Variants in MECOM observed in about 807,000 individuals in gnomAD.
The protein encoded by MECOM is histone-lysine N-methyltransferase MECOM.
In MECOM, 13 loss-of-function variants were observed where a neutral mutation model predicts 116.3. The ratio of observed to expected loss-of-function variants is 0.11; its 90% CI spans 0.07 to 0.18. The LOEUF is 0.18. Ranked by LOEUF, MECOM falls within the 10% of genes least tolerant of loss-of-function variation. The probability of loss-of-function intolerance (pLI) is 1.00; values close to 1 mark genes in which losing one functional copy is unlikely to be tolerated. For synonymous variants in MECOM, 528 were observed against 535.2 expected (o/e 0.99, Z 0.19); for missense variants, 1,299 against 1,509.0 (o/e 0.86, Z 2.31).
chr3:169,558,892 C>G (rs912126302), intron 1 of MECOM, among the ~76,000 whole-genome samples: 2 of 152,028 alleles, frequency 1.3e-5, no homozygotes, highest in Non-Finnish European at 2.9e-5. Flanking sequence ...CAACCCCAGA[C>G]ATCTAGAAAA....
At chr3:169,580,318 C>T (rs1157787910) in intron 1 of MECOM, among the ~76,000 whole-genome samples, 1 of 152,038 alleles carries the variant, frequency 6.6e-6, no homozygotes, top group Non-Finnish European at 1.5e-5. Flanking sequence ...TTGGTGGACC[C>T]ATCACCCGAG....
chr3:169,265,836 T>G lies in MECOM; in HGVS notation c.375+115351A>C, dbSNP rs370917323. 4.6e-5 allele frequency among the ~76,000 whole-genome samples: 7 copies of G among 152,212 alleles called. No individual in the cohort carries two copies. The East Asian group carries it at 1.3e-3, about 29-fold the overall frequency. On this transcript the variant is annotated intron_variant, in intron 2 of 16. Coordinates refer to ENST00000651503, the MANE Select transcript of MECOM (RefSeq NM_004991.4). ...CCTTCGCTAGGACCTCTGTCCCTTC[T>G]GCAGTACTAGTGTGGTAGTCAGTGG...
intron 1 of MECOM, among the ~76,000 whole-genome samples, chr3:169,451,828 T>A (rs1452997023): frequency 6.6e-6 from 1 of 152,038 alleles, no homozygotes; most frequent in African/African-American, 2.4e-5. Context: ...GTTTTCATAA[T>A]AGATGTGGAA....
At chr3:169,208,229 A>G (rs59350008) in intron 2 of MECOM, among the ~76,000 whole-genome samples, 20,485 of 142,278 alleles carry the variant, frequency 0.14, 2,166 homozygotes, top group African/African-American at 0.29. Flanking sequence ...GTGTGTGTGT[A>G]TATTTATATA....
At position 169,486,026 on chromosome 3, in the gene MECOM, AGTATATATATATAT is replaced by A. The variant is rs1292519859; in HGVS notation, c.38-104516_38-104503del. Among the ~76,000 whole-genome samples the A allele has an allele frequency of 3.2e-5, 4 of 123,716 alleles. No individual in the cohort carries two copies. The Admixed American group carries it at 3.4e-4, about 10-fold the overall frequency. 81.2% of individuals were successfully genotyped at this position (123,716 alleles called of 152,430 possible). ...ATATACTATATATATATGTATATAT[AGTATATATATATAT>A]GTATATATATATACACTATCCCAGA... is the stretch of plus-strand genomic sequence containing the variant. On this transcript the variant is annotated intron_variant, in intron 1 of 16. Transcript: ENST00000651503.
At chr3:169,232,147 C>T (rs951284783) in intron 2 of MECOM, among the ~76,000 whole-genome samples, 6 of 152,108 alleles carry the variant, frequency 3.9e-5, no homozygotes, top group African/African-American at 7.2e-5. Context: ...CGTGAGAAGG[C>T]ATTTAGTCCT....
intron 3 of MECOM, among the ~76,000 whole-genome samples, chr3:169,132,404 G>GT (rs1237444341): frequency 1.3e-5 from 2 of 151,716 alleles, no homozygotes; most frequent in Non-Finnish European, 2.9e-5. Flanking sequence ...CAGGTTTTTT[G>GT]TTTTTTGGTT....
chr3:169,649,501 A>T (rs1231178244), intron 1 of MECOM, among the ~76,000 whole-genome samples: 1 of 151,630 alleles, frequency 6.6e-6, no homozygotes, highest in Non-Finnish European at 1.5e-5. Flanking sequence ...ACCAGTTTGT[A>T]GTCATGGATA....
At chr3:169,549,285 G>A (rs1761092664) in intron 1 of MECOM, among the ~76,000 whole-genome samples, 1 of 151,934 alleles carries the variant, frequency 6.6e-6, no homozygotes, top group Non-Finnish European at 1.5e-5. Flanking sequence ...ACTTGTCTCT[G>A]TATAACTTCC....
chr3:169,558,404 A>G (rs1219101266), intron 1 of MECOM, among the ~76,000 whole-genome samples: 1 of 152,082 alleles, frequency 6.6e-6, no homozygotes, highest in Non-Finnish European at 1.5e-5. Context: ...ATATCATGGA[A>G]CCCTCACCAG....
intron 2 of MECOM, among the ~76,000 whole-genome samples, chr3:169,148,352 T>C (rs1215991572): frequency 5.9e-5 from 9 of 152,204 alleles, no homozygotes; most frequent in African/African-American, 2.2e-4. Context: ...TATCCTATGT[T>C]TAATAACTTT....
chr3:169,493,791 T>C (rs1417251952), intron 1 of MECOM, among the ~76,000 whole-genome samples: 1 of 152,064 alleles, frequency 6.6e-6, no homozygotes, highest in Non-Finnish European at 1.5e-5. Flanking sequence ...AAGATTCAAC[T>C]TAAGCTGTTG....
At chr3:169,433,256 G>A (rs1482986852) in intron 1 of MECOM, among the ~76,000 whole-genome samples, 1 of 152,134 alleles carries the variant, frequency 6.6e-6, no homozygotes, top group Non-Finnish European at 1.5e-5. Flanking sequence ...ATCACTTGAG[G>A]TCAGGAGTTT....
rs145660204 is a variant in MECOM at position 169,559,016 on chromosome 3, T to TAC, written c.37+104318_37+104319dup. On this transcript the variant is annotated intron_variant, in intron 1 of 16. Coordinates refer to ENST00000651503, the MANE Select transcript of MECOM (RefSeq NM_004991.4). ...CAATCCTCTGTCTTCTCAAAGCATCTACACACACACACACTATACACACAC... is the reference window on the plus strand; with the variant it reads ...CAATCCTCTGTCTTCTCAAAGCATCTACACACACACACACACTATACACACAC... Among the ~76,000 whole-genome samples the TAC allele has an allele frequency of 1.3e-4, 20 of 150,926 alleles. No individual in the cohort carries two copies. In the South Asian group the frequency reaches 2.1e-3, roughly 16 times the overall value.
Position 169,518,739 on chromosome 3 carries a change from G to A in MECOM, c.38-137215C>T, listed in dbSNP as rs141132464. Among the ~76,000 whole-genome samples, 6 of 152,250 alleles carry A rather than the reference G, an allele frequency of 3.9e-5. No individual in the cohort carries two copies. The East Asian group carries it at 9.6e-4, about 24-fold the overall frequency. On this transcript the variant is annotated intron_variant, in intron 1 of 16. Transcript: ENST00000651503. ...AACTCCCACAATTCCCATGTGTCAT[G>A]GGAGGAACCTTATGGGAGGTGATTG...
chr3:169,131,433 G>C lies in MECOM; in HGVS notation c.609C>G (p.Ile203Met), dbSNP rs759913879. The change falls in exon 4 of 17, where the codon ATC (isoleucine) becomes ATG (methionine). Residue 203 changes from isoleucine to methionine, a missense_variant. This residue lies in a region of MECOM where 374 missense variants were observed against 433.4 expected (regional missense o/e 0.86). Transcript: ENST00000651503. ...DYPHETMAPDIHEERQYRCED... is the reference protein window; with the variant it reads ...DYPHETMAPDMHEERQYRCED... ...GGTGGCGTGAGTGGTACTAACCGTGGATATCCGGCGCCATAGTTTCATGGG... is the reference window on the plus strand; with the variant it reads ...GGTGGCGTGAGTGGTACTAACCGTGCATATCCGGCGCCATAGTTTCATGGG... 6.2e-7 allele frequency: 1 copy of C among 1,613,794 alleles called. No homozygotes were observed. The highest frequency in any genetic ancestry group is 8.5e-7 in the Non-Finnish European group (1 of 1,179,764).
chr3:169,360,550 A>G (rs1407464336), intron 2 of MECOM, among the ~76,000 whole-genome samples: 1 of 151,770 alleles, frequency 6.6e-6, no homozygotes, highest in Non-Finnish European at 1.5e-5. Context: ...ATGACTGTAC[A>G]AAAAGATTAG....
chr3:169,467,686 G>C (rs1748521706), intron 1 of MECOM, among the ~76,000 whole-genome samples: 1 of 152,066 alleles, frequency 6.6e-6, no homozygotes, highest in Non-Finnish European at 1.5e-5. Flanking sequence ...TTTCATTTTT[G>C]TTTTATATGT....
At chr3:169,416,015 C>T (rs1738527437) in intron 1 of MECOM, among the ~76,000 whole-genome samples, 1 of 152,124 alleles carries the variant, frequency 6.6e-6, no homozygotes, top group Non-Finnish European at 1.5e-5. Context: ...CAGCTCTGGA[C>T]CAAGTGGACC....
Sources: allele counts gnomAD v4.1 joint callset (sites outside exome capture counted in the v4.1 genomes callset), GRCh38; gene constraint gnomAD v4.1.1; regional missense constraint gnomAD v4.1.1; transcripts MANE v1.5; gene names NCBI Gene and HGNC (gene_info 2026-07-23, HGNC 2026-07-21).